The following ATG2A variants were observed in gnomAD, a reference collection of about 807,000 sequenced individuals.
The protein encoded by ATG2A is autophagy-related protein 2 homolog A.
In ATG2A, 103 loss-of-function variants were observed where a neutral mutation model predicts 214.2. The observed-to-expected ratio is 0.48, with a 90% CI of 0.41 to 0.57. The LOEUF (loss-of-function observed/expected upper bound fraction) is 0.57, where lower values mean the gene tolerates loss of function less well. ATG2A is among the 20% of genes least tolerant of loss of function. The pLI, the probability that ATG2A is intolerant of heterozygous loss-of-function variation, is 0.00. For synonymous variants in ATG2A, 1,160 were observed against 1,142.1 expected (o/e 1.02, Z -0.32); for missense variants, 2,312 against 2,613.2 (o/e 0.88, Z 2.51).
rs779872006 is a variant in ATG2A at position 64,913,831 on chromosome 11, G to A, written c.580C>T (p.Arg194Cys). 4 of 1,613,244 alleles carry A rather than the reference G, an allele frequency of 2.5e-6. No homozygotes were observed. The highest frequency in any genetic ancestry group is 1.7e-4 in the Middle Eastern group (1 of 6,060). ...TCGGCCTGCCCTTACCTCTGCACAC[G>A]GACCTCGACGGCCACACCACGTTCC... The part of the protein sequence containing the change: ...DGERGVAVEV[R>C]VQRLEYCDEA... The change falls in exon 4 of 41, where the codon CGT (arginine) becomes TGT (cysteine). Residue 194 changes from arginine (R) to cysteine (C), a missense_variant. Physicochemically the swap from Arg to Cys is radical, Grantham distance 180 (BLOSUM62 -3). Coordinates refer to ENST00000377264, the MANE Select transcript of ATG2A (RefSeq NM_015104.3). The surrounding 1 kb of genome is among the most constrained non-coding windows in gnomAD (Gnocchi z 4.3).
chr11:64,901,480 C>G lies in ATG2A; in HGVS notation c.4120-388G>C, dbSNP rs988443206. On this transcript the variant is annotated intron_variant, in intron 29 of 40. Coordinates refer to ENST00000377264, the MANE Select transcript of ATG2A (RefSeq NM_015104.3). The stretch of plus-strand genomic sequence containing the variant: ...GGGATTACAGGCGTAACCTACCATG[C>G]TTGGCCTCCTCCCTGTTTTTGATGA... Among the ~76,000 whole-genome samples, 110 of 152,168 alleles carry G rather than the reference C, an allele frequency of 7.2e-4. 4 individuals carry two copies. Among genetic ancestry groups the G allele is most frequent in the Non-Finnish European group, 2.2e-4 (15 of 68,040 alleles).
intron 11 of ATG2A, 21 bp downstream of exon 11, chr11:64,910,786 A>G (rs746290106): frequency 6.8e-6 from 11 of 1,610,602 alleles, no homozygotes. Context: ...CGCCTCGTAC[A>G]CATTCTGCCT....
rs1394782013 is a variant in ATG2A at position 64,901,509 on chromosome 11, A to G, written c.4120-417T>C. The stretch of plus-strand genomic sequence containing the variant: ...GCCTCCTCCCTGTTTTTGATGAAAG[A>G]TGACACTCCTGGGTTGCTATCACCC... On this transcript the variant is annotated intron_variant, in intron 29 of 40. Coordinates refer to ENST00000377264, the MANE Select transcript of ATG2A (RefSeq NM_015104.3). Among the ~76,000 whole-genome samples the G allele has an allele frequency of 2.6e-5, 4 of 152,076 alleles. No homozygotes were observed. The South Asian group carries it at 6.2e-4, about 24-fold the overall frequency.
In ATG2A at chr11:64,907,544, G is replaced by T; in HGVS notation, c.2628C>A (p.Cys876Ter). ...SGFWHDSFKMCKSAFKLANCF... is the reference protein window; with the variant it reads ...SGFWHDSFKM The stretch of plus-strand genomic sequence containing the variant: ...TCATACCCAGCTTGAAGGCTGACTT[G>T]CACATCTTAAAGCTGTCGTGCCAGA... The change falls in exon 18 of 41, where the codon TGC (cysteine) becomes TGA (stop). Residue 876 changes from cysteine (C) to a stop codon, truncating the protein, a stop_gained. Transcript: ENST00000377264. LOFTEE classifies it high-confidence loss of function. 1 of 1,611,564 alleles carries T rather than the reference G, an allele frequency of 6.2e-7. No homozygotes were observed.
At chr11:64,899,861 A>AT (rs749811813) in intron 31 of ATG2A, among the ~76,000 whole-genome samples, 6,030 of 139,354 alleles carry the variant, frequency 0.043, 360 homozygotes, top group African/African-American at 0.14. Flanking sequence ...AGCTTCCAGC[A>AT]TTTTTTTTTT....
intron 12 of ATG2A, 34 bp from the exon 13 acceptor site, chr11:64,910,229 G>A (rs376254290): frequency 3.5e-4 from 545 of 1,554,932 alleles, no homozygotes; most frequent in Non-Finnish European, 4.6e-4. Flanking sequence ...AGTGAGGGCT[G>A]AGTGGTACTC....
chr11:64,909,127 T>C lies in ATG2A; in HGVS notation c.2228A>G (p.Gln743Arg), dbSNP rs780090107. 6.2e-7 allele frequency: 1 copy of C among 1,611,498 alleles called. No individual in the cohort carries two copies. Among genetic ancestry groups the C allele is most frequent in the South Asian group, 1.1e-5 (1 of 90,812 alleles). ...CACCTCCCACTGTGTGCTGCTGGAC[T>C]GGGGGTTCACAGTCACCACTACCCT... The part of the protein sequence containing the change: ...LPQVVVTVNP[Q>R]SSSTQWEVAP... Residue 743 changes from glutamine (Q) to arginine (R), a missense_variant, in exon 16 of 41, where the codon CAG becomes CGG. Gln to Arg is a conservative substitution (Grantham distance 43). Transcript: ENST00000377264.
chr11:64,917,188 C>G lies in ATG2A; in HGVS notation c.-53G>C. The G allele has an allele frequency of 6.5e-7, 1 of 1,533,906 alleles. No homozygotes were observed. The highest frequency in any genetic ancestry group is 8.8e-7 in the Non-Finnish European group (1 of 1,138,376). On this transcript the variant is annotated 5_prime_UTR_variant, in exon 1 of 41. Coordinates refer to ENST00000377264, the MANE Select transcript of ATG2A (RefSeq NM_015104.3). ...TCCGCTTGCCGCCCGCCGGCGATCC[C>G]CGTCCGGCTCCGCTGTTCACTAGAG...
In ATG2A at chr11:64,911,866, G is replaced by A. The variant is rs1268676980; in HGVS notation, c.1204C>T (p.Leu402Phe). 1 of 1,613,318 alleles carries A rather than the reference G, an allele frequency of 6.2e-7. No individual in the cohort carries two copies. Among genetic ancestry groups the A allele is most frequent in the South Asian group, 1.1e-5 (1 of 91,010 alleles). ...SVRSDMASRR[L>F]SAQAHPAGKM... is the part of the protein sequence containing the mutation. Reference sequence around the variant, plus strand: ...CCAGCTGGGTGGGCCTGGGCAGAGAGCCGGCGGGAGGCCATGTCGCTGCGC... The same window carrying A: ...CCAGCTGGGTGGGCCTGGGCAGAGAACCGGCGGGAGGCCATGTCGCTGCGC... Residue 402 changes from leucine (L) to phenylalanine (F), a missense_variant, in exon 9 of 41, where the codon CTC (leucine) becomes TTC (phenylalanine). Leu to Phe is a conservative substitution (Grantham distance 22). Coordinates refer to ENST00000377264, the MANE Select transcript of ATG2A (RefSeq NM_015104.3).
At chr11:64,912,018 C>T (rs1264665426) in intron 8 of ATG2A, 36 bp from the exon 9 acceptor site, 4 of 1,613,388 alleles carry the variant, frequency 2.5e-6, no homozygotes, top group African/African-American at 2.7e-5. Context: ...GGACAGCCGA[C>T]CCCAGCCCCT....
chr11:64,898,967 G>GC lies in ATG2A; in HGVS notation c.4465-126dup, dbSNP rs1338349020. The GC allele has an allele frequency of 2.3e-6, 2 of 884,366 alleles. No individual in the cohort carries two copies. The highest frequency in any genetic ancestry group is 3.4e-6 in the Non-Finnish European group (2 of 584,312). The allele number at this position is 884,366 out of a possible 1,614,324, so 54.8% of individuals were successfully genotyped here. A position where few individuals can be genotyped will look rare whatever the true frequency, so the allele number is the denominator to read the frequency against. ...CTCACTCTGTCGCCCAGGTTGGAGTGCAGTGGCGTGATCTCGGCTCACTGC... is the reference window on the plus strand; with the variant it reads ...CTCACTCTGTCGCCCAGGTTGGAGTGCCAGTGGCGTGATCTCGGCTCACTGC... On this transcript the variant is annotated intron_variant, in intron 31 of 40. Transcript: ENST00000377264. This position sits in a 1 kb window ranked among gnomAD's most constrained non-coding sequence, Gnocchi z 4.5.
At position 64,914,087 on chromosome 11, in the gene ATG2A, C is replaced by T; in HGVS notation, c.481G>A (p.Glu161Lys). ...EGLEMFAQTI[E>K]TVLRRIKVTF... ...CCAGGAGGGGCCTGCTCACCAGTCT[C>T]AATGGTCTGGGCAAACATCTCCAGC... Residue 161 changes from glutamate to lysine, a missense_variant, in exon 3 of 41, where the codon GAG (glutamate) becomes AAG (lysine). Transcript: ENST00000377264. The T allele has an allele frequency of 1.3e-6, 2 of 1,544,084 alleles. No homozygotes were observed.
In ATG2A at chr11:64,909,796, C is replaced by A. The variant is rs377050492; in HGVS notation, c.1992G>T (p.Val664=). 229 of 1,612,108 alleles carry A rather than the reference C, an allele frequency of 1.4e-4. No homozygotes were observed. The highest frequency in any genetic ancestry group is 1.9e-4 in the Non-Finnish European group (222 of 1,179,812). ...PEPDPWAGQA[V]RAEQLRLELS... Reference sequence around the variant, plus strand: ...GCTCCAGCCGAAGCTGCTCAGCCCGCACGGCCTGGCCCGCCCAGGGGTCCG... The same window carrying A: ...GCTCCAGCCGAAGCTGCTCAGCCCGAACGGCCTGGCCCGCCCAGGGGTCCG... The change falls in exon 14 of 41, where the codon GTG becomes GTT. Residue 664 remains valine (V), a synonymous_variant. Coordinates refer to ENST00000377264, the MANE Select transcript of ATG2A (RefSeq NM_015104.3).
intron 26 of ATG2A, 121 bp from the exon 27 acceptor site, chr11:64,902,801 C>A (rs1944404857): frequency 3.3e-6 from 3 of 900,410 alleles, no homozygotes; most frequent in Non-Finnish European, 5.2e-6. Flanking sequence ...CAGGGATGGT[C>A]TCTCCTGGAG....
intron 1 of ATG2A, among the ~76,000 whole-genome samples, chr11:64,916,146 CTG>C (rs964218429): frequency 6.6e-6 from 1 of 152,174 alleles, no homozygotes; most frequent in African/African-American, 2.4e-5. Context: ...GTCAGCTGAG[CTG>C]TGAGTCAGGG....
At chr11:64,912,772 T>C (rs1565069842) in intron 6 of ATG2A, 2 of 453,872 alleles carry the variant, frequency 4.4e-6, no homozygotes, top group African/African-American at 2.0e-5. Flanking sequence ...TTTGTATTTT[T>C]AGTAGAGACG....
chr11:64,915,994 G>C (rs1044967009), intron 1 of ATG2A, among the ~76,000 whole-genome samples: 4 of 152,142 alleles, frequency 2.6e-5, no homozygotes, highest in Non-Finnish European at 5.9e-5. Context: ...CCAAAGCCTA[G>C]CTCTTCTGCC....
In ATG2A at chr11:64,894,578, A is replaced by T. The variant is rs1290163919; in HGVS notation, c.*395T>A. 2.1e-5 allele frequency: 10 copies of T among 486,842 alleles called. No homozygotes were observed. The highest frequency in any genetic ancestry group is 4.0e-5 in the Non-Finnish European group (10 of 247,692). 30.2% of individuals were successfully genotyped at this position (486,842 alleles called of 1,614,324 possible). ...GGGCAGTTTATTCCACTTCATGCAGACACTGACCCACGCACTCACGGAGCT... is the reference window on the plus strand; with the variant it reads ...GGGCAGTTTATTCCACTTCATGCAGTCACTGACCCACGCACTCACGGAGCT... On this transcript the variant is annotated 3_prime_UTR_variant, in exon 41 of 41. Transcript: ENST00000377264.
At position 64,903,544 on chromosome 11, in the gene ATG2A, C is replaced by T. The variant is rs1358046359; in HGVS notation, c.3535+46G>A. The stretch of plus-strand genomic sequence containing the variant: ...CTGGCTGCTCTGGGTGTGGCCGGGG[C>T]GGTGGTCCCTCAGAGGGGAGGGAGC... On this transcript the variant is annotated intron_variant, in intron 25 of 40. Coordinates refer to ENST00000377264, the MANE Select transcript of ATG2A (RefSeq NM_015104.3). The surrounding 1 kb of genome is among the most constrained non-coding windows in gnomAD (Gnocchi z 4.2). 63 of 1,518,928 alleles carry T rather than the reference C, an allele frequency of 4.1e-5. No homozygotes were observed. The highest frequency in any genetic ancestry group is 5.2e-5 in the Non-Finnish European group (59 of 1,128,070). 94.1% of individuals were successfully genotyped at this position (1,518,928 alleles called of 1,614,324 possible).
Sources: allele counts gnomAD v4.1 joint callset (sites outside exome capture counted in the v4.1 genomes callset), GRCh38; gene constraint gnomAD v4.1.1; non-coding constraint Gnocchi (gnomAD v3.1); transcripts MANE v1.5; gene names NCBI Gene and HGNC (gene_info 2026-07-23, HGNC 2026-07-21).